NCKAP5: variants seen among roughly 807,000 people sequenced by gnomAD.
The protein encoded by NCKAP5 is NCK associated protein 5.
A neutral mutation model predicts 167.0 loss-of-function variants in NCKAP5; 92 were observed. The observed-to-expected ratio is 0.55, with a 90% CI of 0.47 to 0.66. The LOEUF (loss-of-function observed/expected upper bound fraction) is 0.66. Among genes scored for constraint, NCKAP5 ranks in the 30% least tolerant of loss-of-function variants. NCKAP5 has a pLI of 0.00. For synonymous variants in NCKAP5, 891 were observed against 877.4 expected, an observed-to-expected ratio of 1.02 and a Z score of -0.27; for missense variants, 2,378 against 2,315.0, an observed-to-expected ratio of 1.03 and a Z score of -0.56.
chr2:132,941,058 A>G (rs1192283659), intron 8 of NCKAP5, among the ~76,000 whole-genome samples: 1 of 152,200 alleles, frequency 6.6e-6, no homozygotes, highest in Non-Finnish European at 1.5e-5. Flanking sequence ...CTAGATTTGG[A>G]AACTAGAGAC....
intron 16 of NCKAP5, among the ~76,000 whole-genome samples, chr2:132,761,889 A>T (rs1681038520): frequency 6.6e-6 from 1 of 152,128 alleles, no homozygotes; most frequent in African/African-American, 2.4e-5. Context: ...TGCACCACTC[A>T]TTGACCTGGG....
chr2:132,673,499 T>C (rs1178050003), intron 19 of NCKAP5, among the ~76,000 whole-genome samples, 194 bp from the exon 20 acceptor site: 1 of 152,168 alleles, frequency 6.6e-6, no homozygotes, highest in African/African-American at 2.4e-5. Context: ...ACTTTAATCA[T>C]TTTACTGAGA....
chr2:133,085,350 T>C (rs1030112475), intron 6 of NCKAP5, among the ~76,000 whole-genome samples: 9 of 152,170 alleles, frequency 5.9e-5, no homozygotes, highest in African/African-American at 2.2e-4. Context: ...AGGTTGACTT[T>C]AAATTGTTTT....
At chr2:132,923,375 A>G (rs1278879879) in intron 8 of NCKAP5, among the ~76,000 whole-genome samples, 3 of 152,206 alleles carry the variant, frequency 2.0e-5, no homozygotes, top group Non-Finnish European at 2.9e-5. Flanking sequence ...CCTGGGATCA[A>G]TTGTGTTACA....
intron 6 of NCKAP5, among the ~76,000 whole-genome samples, chr2:133,067,472 T>A (rs1299617137): frequency 1.3e-5 from 2 of 152,250 alleles, no homozygotes; most frequent in Non-Finnish European, 2.9e-5. Context: ...AGCTGGCCTA[T>A]GCAGTAGTCA....
At chr2:132,805,332 G>A (rs959529285) in intron 11 of NCKAP5, among the ~76,000 whole-genome samples, 3 of 152,106 alleles carry the variant, frequency 2.0e-5, no homozygotes, top group Non-Finnish European at 4.4e-5. Context: ...CAGAGTTCAT[G>A]CTCTTAATTC....
At chr2:133,066,104 A>G (rs1206699583) in intron 6 of NCKAP5, among the ~76,000 whole-genome samples, 2 of 152,226 alleles carry the variant, frequency 1.3e-5, no homozygotes, top group Non-Finnish European at 2.9e-5. Flanking sequence ...CATTAAGATA[A>G]TTACAACTGA....
chr2:133,492,144 A>ATGTGTGTGT (rs1681513085), intron 3 of NCKAP5, among the ~76,000 whole-genome samples: 1 of 141,562 alleles, frequency 7.1e-6, no homozygotes, highest in South Asian at 2.3e-4. Context: ...ATATCTAGTT[A>ATGTGTGTGT]GTGTGTGTGT....
intron 13 of NCKAP5, among the ~76,000 whole-genome samples, chr2:132,787,430 A>C (rs1431559538): frequency 6.6e-6 from 1 of 151,630 alleles, no homozygotes; most frequent in African/African-American, 2.4e-5. Flanking sequence ...TGCACTCTAT[A>C]CCAGTTTTGG....
At chr2:133,161,145 A>C (rs1263516589) in intron 5 of NCKAP5, among the ~76,000 whole-genome samples, 1 of 152,160 alleles carries the variant, frequency 6.6e-6, no homozygotes, top group Non-Finnish European at 1.5e-5. Context: ...CCTTATGAGA[A>C]TCTAATTCCT....
chr2:132,863,644 A>T (rs1326001577), intron 10 of NCKAP5, among the ~76,000 whole-genome samples: 1 of 152,200 alleles, frequency 6.6e-6, no homozygotes, highest in Non-Finnish European at 1.5e-5. Context: ...AGCTCAGCAC[A>T]CAGCAGCAGG....
At chr2:133,382,510 T>C (rs547029211) in intron 3 of NCKAP5, among the ~76,000 whole-genome samples, 1 of 152,208 alleles carries the variant, frequency 6.6e-6, no homozygotes, top group East Asian at 1.9e-4. Context: ...CCCTTAACTC[T>C]CTGCACACCA....
chr2:132,834,151 A>G (rs1250929818), intron 11 of NCKAP5, among the ~76,000 whole-genome samples: 1 of 152,132 alleles, frequency 6.6e-6, no homozygotes, highest in South Asian at 2.1e-4. Flanking sequence ...TCATATCATC[A>G]ACAAACAGAG....
chr2:132,809,400 C>T lies in NCKAP5; in HGVS notation c.808-12671G>A, dbSNP rs572523766. On this transcript the variant is annotated intron_variant, in intron 11 of 19. Transcript: ENST00000409261. Reference sequence around the variant, plus strand: ...CCCTCACTATTATTGGGTTGCCGTCCATCTCATTTCTTAGGTCTATTAGTA... The same window carrying T: ...CCCTCACTATTATTGGGTTGCCGTCTATCTCATTTCTTAGGTCTATTAGTA... Among the ~76,000 whole-genome samples the T allele has an allele frequency of 1.4e-3, 215 of 152,058 alleles. 1 individual carries two copies. Among genetic ancestry groups the T allele is most frequent in the African/African-American group, 4.9e-3 (204 of 41,486 alleles).
chr2:133,558,704 CA>C (rs60051493), intron 2 of NCKAP5, among the ~76,000 whole-genome samples: 4,390 of 50,236 alleles, frequency 0.087, 42 homozygotes, highest in East Asian at 0.2. Context: ...ATGTGCTGAG[CA>C]AAAAAAAAAA....
intron 19 of NCKAP5, among the ~76,000 whole-genome samples, chr2:132,690,911 C>T (rs1301858467): frequency 2.0e-5 from 3 of 152,112 alleles, no homozygotes; most frequent in African/African-American, 7.2e-5. Context: ...TTGGACAGTC[C>T]AGCTTCTAGA....
intron 6 of NCKAP5, among the ~76,000 whole-genome samples, chr2:133,044,567 C>G (rs1178754479): frequency 2.0e-5 from 3 of 152,078 alleles, no homozygotes; most frequent in Non-Finnish European, 4.4e-5. Context: ...AAAATTAAGT[C>G]TGGCAAAATC....
At chr2:133,637,617 A>C in the NCKAP5 span, among the ~76,000 whole-genome samples, 5 of 126,848 alleles carry the variant, frequency 3.9e-5, no homozygotes, top group Admixed American at 7.6e-5. Flanking sequence ...AATTTAGTGG[A>C]TGTTTTAAAA....
intron 3 of NCKAP5, among the ~76,000 whole-genome samples, chr2:133,395,088 T>C (rs1026652595): frequency 1.3e-5 from 2 of 152,220 alleles, no homozygotes; most frequent in African/African-American, 4.8e-5. Flanking sequence ...CACATTAGTT[T>C]TTCTAGGAAA....
Sources: gnomAD v4.1 joint callset for allele counts (sites outside exome capture counted in the v4.1 genomes callset) on GRCh38, gnomAD v4.1.1 for gene constraint, MANE v1.5 for transcripts, NCBI Gene and HGNC (gene_info 2026-07-23, HGNC 2026-07-21) for gene names.